Variants in GPR63 observed in about 807,000 individuals in gnomAD.
The protein encoded by GPR63 is G protein-coupled receptor 63.
In GPR63, 12 loss-of-function variants were observed where a neutral mutation model predicts 23.1. That is an observed-to-expected ratio of 0.52 (90% CI 0.33 to 0.84). GPR63 has a LOEUF of 0.84. Ranked by LOEUF, GPR63 falls within the 40% of genes least tolerant of loss-of-function variation. The probability of loss-of-function intolerance (pLI) is 0.02; values close to 1 mark genes in which losing one functional copy is unlikely to be tolerated. For synonymous variants in GPR63, 172 were observed against 191.1 expected (o/e 0.90, Z 0.82); for missense variants, 472 against 515.6 (o/e 0.92, Z 0.82).
At position 96,799,656 on chromosome 6, in the gene GPR63, A is replaced by G; in HGVS notation, c.76T>C (p.Tyr26His). 1 of 1,614,170 alleles carries G rather than the reference A, an allele frequency of 6.2e-7. No individual in the cohort carries two copies. Among genetic ancestry groups the G allele is most frequent in the Non-Finnish European group, 8.5e-7 (1 of 1,180,002 alleles). ...GGTGGAGGGAGTGTAATATTCATGT[A>G]GGTGTTTTCATACACGACAAATGTT... ...NTTFVVYENT[Y>H]MNITLPPPFQ... Residue 26 changes from tyrosine (Y) to histidine (H), a missense_variant, in exon 2 of 2, where the codon TAC becomes CAC. Physicochemically the swap from Tyr to His is moderately conservative, Grantham distance 83. Transcript: ENST00000229955.
At chr6:96,833,053 CAG>C (rs1446860542) in intron 1 of GPR63, among the ~76,000 whole-genome samples, 8 of 125,656 alleles carry the variant, frequency 6.4e-5, no homozygotes, top group Admixed American at 2.3e-4. Context: ...TAGTGATAGA[CAG>C]TGTGAAACTT....
intron 1 of GPR63, among the ~76,000 whole-genome samples, chr6:96,810,482 G>A (rs1435490645): frequency 4.1e-5 from 6 of 146,842 alleles, no homozygotes; most frequent in African/African-American, 7.6e-5. Flanking sequence ...GCGACAGTGC[G>A]AGACTCCGTC....
At position 96,798,919 on chromosome 6, in the gene GPR63, G is replaced by T. The variant is rs1182393045; in HGVS notation, c.813C>A (p.His271Gln). 5 of 1,614,052 alleles carry T rather than the reference G, an allele frequency of 3.1e-6. No individual in the cohort carries two copies. The highest frequency in any genetic ancestry group is 4.2e-6 in the Non-Finnish European group (5 of 1,180,040). Residue 271 changes from histidine to glutamine, a missense_variant, in exon 2 of 2, where the codon CAC (histidine) becomes CAA (glutamine). Physicochemically the swap from His to Gln is conservative, Grantham distance 24. Transcript: ENST00000229955. ...SFMGILNTLR[H>Q]NALRIHSYPE... ...GGTAGCTATGGATCCTCAAGGCATT[G>T]TGCCGAAGGGTGTTGAGTATGCCCA... is the stretch of plus-strand genomic sequence containing the variant.
chr6:96,798,395 G>C lies in GPR63; in HGVS notation c.*77C>G. 1 of 1,459,888 alleles carries C rather than the reference G, an allele frequency of 6.8e-7. No individual in the cohort carries two copies. Among genetic ancestry groups the C allele is most frequent in the Non-Finnish European group, 9.3e-7 (1 of 1,076,276 alleles). The allele number at this position is 1,459,888 out of a possible 1,614,324, so 90.4% of individuals were successfully genotyped here. On this transcript the variant is annotated 3_prime_UTR_variant, in exon 2 of 2. Coordinates refer to ENST00000229955, the MANE Select transcript of GPR63 (RefSeq NM_030784.4). Reference sequence around the variant, plus strand: ...CACAAACCCTATAAAAAAAAATAAAGTGGAGAGGCTATGAGAAAGAGAATT... The same window carrying C: ...CACAAACCCTATAAAAAAAAATAAACTGGAGAGGCTATGAGAAAGAGAATT...
chr6:96,810,460 A>C (rs190806055), intron 1 of GPR63, among the ~76,000 whole-genome samples: 137 of 150,982 alleles, frequency 9.1e-4, no homozygotes, highest in Admixed American at 2.6e-3. Context: ...ATGCCACTGC[A>C]CTCCAGCGCA....
rs187256131 is a variant in GPR63 at position 96,799,715 on chromosome 6, A to T, written c.17T>A (p.Val6Glu). The T allele has an allele frequency of 2.3e-5, 37 of 1,614,206 alleles. No individual in the cohort carries two copies. The Admixed American group carries it at 6.0e-4, about 26-fold the overall frequency. The change falls in exon 2 of 2, where the codon GTG (valine) becomes GAG (glutamate). Residue 6 changes from valine to glutamate, a missense_variant. By Grantham distance (121) the Val-to-Glu change is moderately radical. Coordinates refer to ENST00000229955, the MANE Select transcript of GPR63 (RefSeq NM_030784.4). Reference sequence around the variant, plus strand: ...TGTCCCGGTATGGAACGCAGTCAACACTGCCGAGAAGACCATGGTTTCAGT... The same window carrying T: ...TGTCCCGGTATGGAACGCAGTCAACTCTGCCGAGAAGACCATGGTTTCAGT... MVFSA[V>E]LTAFHTGTSN...
At chr6:96,831,545 T>C (rs1429956140) in intron 1 of GPR63, among the ~76,000 whole-genome samples, 1 of 152,174 alleles carries the variant, frequency 6.6e-6, no homozygotes, top group Non-Finnish European at 1.5e-5. Flanking sequence ...ATCAATGCCC[T>C]TTTATTCCTC....
At chr6:96,836,528 C>G (rs1489700410) in intron 1 of GPR63, among the ~76,000 whole-genome samples, 2 of 152,090 alleles carry the variant, frequency 1.3e-5, no homozygotes, top group Non-Finnish European at 2.9e-5. Context: ...TCAGTCTCAT[C>G]CAAGACTAAA....
chr6:96,805,358 C>T (rs568191515), intron 1 of GPR63, among the ~76,000 whole-genome samples: 30 of 152,102 alleles, frequency 2.0e-4, no homozygotes, highest in Admixed American at 5.2e-4. Flanking sequence ...TCACTCACTA[C>T]GGGGAGGACA....
At chr6:96,819,974 C>CAAAAAAA (rs367728329) in intron 1 of GPR63, among the ~76,000 whole-genome samples, 4 of 85,296 alleles carry the variant, frequency 4.7e-5, no homozygotes, top group East Asian at 3.3e-4. Context: ...GACTCTGTCT[C>CAAAAAAA]AAAAAAAAAA....
At chr6:96,834,065 G>T (rs983926820) in intron 1 of GPR63, among the ~76,000 whole-genome samples, 3 of 152,092 alleles carry the variant, frequency 2.0e-5, no homozygotes, top group Non-Finnish European at 4.4e-5. Context: ...TTTCACGCTT[G>T]AGTTTTCTGA....
At chr6:96,810,690 A>C (rs1393753429) in intron 1 of GPR63, among the ~76,000 whole-genome samples, 1 of 152,152 alleles carries the variant, frequency 6.6e-6, no homozygotes, top group Non-Finnish European at 1.5e-5. Context: ...GTATGTATGT[A>C]GATGTGTGTG....
At chr6:96,819,974 C>CAAA (rs367728329) in intron 1 of GPR63, among the ~76,000 whole-genome samples, 1,398 of 85,136 alleles carry the variant, frequency 0.016, 35 homozygotes, top group Non-Finnish European at 0.019. Context: ...GACTCTGTCT[C>CAAA]AAAAAAAAAA....
chr6:96,833,409 G>A lies in GPR63; in HGVS notation c.-151+3859C>T, dbSNP rs117539067. ...ATCTAAACTTCAGGCTTCTTTAAATGCCTACAAATGTTCTCTCTCTAAAGT... is the reference window on the plus strand; with the variant it reads ...ATCTAAACTTCAGGCTTCTTTAAATACCTACAAATGTTCTCTCTCTAAAGT... On this transcript the variant is annotated intron_variant, in intron 1 of 1. Transcript: ENST00000229955. Among the ~76,000 whole-genome samples the A allele has an allele frequency of 4.7e-3, 708 of 152,238 alleles. 6 individuals carry two copies. The highest frequency in any genetic ancestry group is 0.032 in the East Asian group (166 of 5,168).
Position 96,799,219 on chromosome 6 carries a change from G to A in GPR63, c.513C>T (p.Ile171=), listed in dbSNP as rs769070789. The change falls in exon 2 of 2, where the codon ATC becomes ATT. Residue 171 remains isoleucine, a synonymous_variant. Coordinates refer to ENST00000229955, the MANE Select transcript of GPR63 (RefSeq NM_030784.4). Reference sequence around the variant, plus strand: ...ACCTATCTATGCTAATGATGAGCAGGATGGCTACTCCTTCTATCACAAATA... The same window carrying A: ...ACCTATCTATGCTAATGATGAGCAGAATGGCTACTCCTTCTATCACAAATA... The part of the protein sequence containing the change: ...FWLFVIEGVA[I]LLIISIDRFL... 1 of 1,614,134 alleles carries A rather than the reference G, an allele frequency of 6.2e-7. No homozygotes were observed. Among genetic ancestry groups the A allele is most frequent in the Non-Finnish European group, 8.5e-7 (1 of 1,180,028 alleles).
intron 1 of GPR63, among the ~76,000 whole-genome samples, chr6:96,808,819 C>A (rs980004732): frequency 2.0e-5 from 3 of 152,010 alleles, no homozygotes; most frequent in Non-Finnish European, 4.4e-5. Flanking sequence ...TACATGTGCA[C>A]AATGTGCAGG....
At chr6:96,819,223 T>C (rs993757761) in intron 1 of GPR63, among the ~76,000 whole-genome samples, 4 of 152,236 alleles carry the variant, frequency 2.6e-5, no homozygotes, top group Non-Finnish European at 2.9e-5. Context: ...TGTACACATA[T>C]GTTTACTGCA....
chr6:96,828,381 G>A (rs1479930343), intron 1 of GPR63, among the ~76,000 whole-genome samples: 4 of 151,940 alleles, frequency 2.6e-5, no homozygotes, highest in African/African-American at 9.7e-5. Flanking sequence ...TCCAAATATA[G>A]TCATATTGGG....
intron 1 of GPR63, among the ~76,000 whole-genome samples, chr6:96,805,210 C>A (rs1358222200): frequency 1.3e-5 from 2 of 152,128 alleles, no homozygotes; most frequent in African/African-American, 4.8e-5. Flanking sequence ...ATGGTGCCAG[C>A]ATCTGCTCCT....
Sources: gnomAD v4.1 joint callset for allele counts (sites outside exome capture counted in the v4.1 genomes callset) on GRCh38, gnomAD v4.1.1 for gene constraint, MANE v1.5 for transcripts, NCBI Gene and HGNC (gene_info 2026-07-23, HGNC 2026-07-21) for gene names.